RBFOX1: variants seen among roughly 807,000 people sequenced by gnomAD.
RBFOX1 encodes the protein RNA binding fox-1 homolog 1.
In RBFOX1, 8 loss-of-function variants were observed where a neutral mutation model predicts 57.7. That is an observed-to-expected ratio of 0.14 (90% CI 0.08 to 0.25). The LOEUF is 0.25. Among genes scored for constraint, RBFOX1 ranks in the 10% least tolerant of loss-of-function variants. The probability of loss-of-function intolerance (pLI) is 1.00; values close to 1 mark genes in which losing one functional copy is unlikely to be tolerated. For synonymous variants in RBFOX1, 326 were observed against 222.4 expected (o/e 1.47, Z -4.15); for missense variants, 611 against 548.5 (o/e 1.11, Z -1.14).
intron 3 of RBFOX1, among the ~76,000 whole-genome samples, chr16:6,954,746 C>T (rs1224737852): frequency 6.6e-6 from 1 of 152,006 alleles, no homozygotes; most frequent in Non-Finnish European, 1.5e-5. Context: ...GAGAACATGC[C>T]CTCCAGAGGA....
At position 7,298,366 on chromosome 16, in the gene RBFOX1, G is replaced by A. The variant is rs970577461; in HGVS notation, c.28-219781G>A. Among the ~76,000 whole-genome samples, 7 of 134,654 alleles carry A rather than the reference G, an allele frequency of 5.2e-5. 1 individual carries two copies. In the East Asian group the frequency reaches 1.2e-3, roughly 22 times the overall value. The allele number at this position is 134,654 out of a possible 152,430, so 88.3% of individuals were successfully genotyped here. A position where few individuals can be genotyped will look rare whatever the true frequency, so the allele number is the denominator to read the frequency against. ...TGCAGTAGCATGATCTCAGCCTACC[G>A]CAGCCTCCGCCTCCTGGGTTCAAGT... On this transcript the variant is annotated intron_variant, in intron 4 of 15. Coordinates refer to ENST00000550418, the MANE Select transcript of RBFOX1 (RefSeq NM_018723.4).
At chr16:7,234,066 T>A (rs970081978) in intron 4 of RBFOX1, among the ~76,000 whole-genome samples, 1 of 152,214 alleles carries the variant, frequency 6.6e-6, no homozygotes, top group Non-Finnish European at 1.5e-5. Flanking sequence ...AGGGGTTGCA[T>A]GGAAATTATG....
chr16:5,677,766 G>A (rs2050210739), intron 3 of RBFOX1, among the ~76,000 whole-genome samples: 1 of 152,112 alleles, frequency 6.6e-6, no homozygotes, highest in African/African-American at 2.4e-5. Flanking sequence ...GAGTGTTCCA[G>A]ATGGAGGAAA....
At chr16:6,598,715 A>G (rs552906775) in intron 2 of RBFOX1, among the ~76,000 whole-genome samples, 2 of 152,288 alleles carry the variant, frequency 1.3e-5, no homozygotes, top group East Asian at 3.9e-4. Context: ...TGGGTGGCTG[A>G]GGCAGGCAGA....
chr16:6,767,740 C>G (rs1483353781), intron 3 of RBFOX1, among the ~76,000 whole-genome samples: 1 of 151,494 alleles, frequency 6.6e-6, no homozygotes, highest in Admixed American at 6.6e-5. Flanking sequence ...ATGGTGAAAC[C>G]CCATCTCTAC....
At chr16:6,059,781 T>A (rs2095660149) in intron 1 of RBFOX1, among the ~76,000 whole-genome samples, 1 of 152,156 alleles carries the variant, frequency 6.6e-6, no homozygotes, top group South Asian at 2.1e-4. Flanking sequence ...ATAATGTACA[T>A]TTCACAACTG....
chr16:7,132,828 A>C (rs1531561), intron 4 of RBFOX1, among the ~76,000 whole-genome samples: 1 of 151,894 alleles, frequency 6.6e-6, no homozygotes, highest in Admixed American at 6.6e-5. Context: ...AAAAAGATAC[A>C]TCTTTCAGTA....
At chr16:5,783,114 C>T (rs149693886) in intron 3 of RBFOX1, among the ~76,000 whole-genome samples, 13 of 152,174 alleles carry the variant, frequency 8.5e-5, no homozygotes, top group African/African-American at 3.1e-4. Flanking sequence ...GATTAACTGT[C>T]ACACCCTCTT....
intron 4 of RBFOX1, among the ~76,000 whole-genome samples, chr16:7,093,415 T>C (rs114220024): frequency 0.028 from 4,197 of 152,288 alleles, 69 homozygotes; most frequent in Middle Eastern, 0.041. Flanking sequence ...CCCAGCCCAC[T>C]TCTTCTTTGA....
chr16:6,016,660 T>G (rs988206677), upstream of RBFOX1, among the ~76,000 whole-genome samples: 2 of 152,188 alleles, frequency 1.3e-5, no homozygotes, highest in African/African-American at 4.8e-5. Context: ...GATCACAAAT[T>G]GGAAAGTATT....
chr16:7,039,101 G>T lies in RBFOX1; in HGVS notation c.-15-12956G>T, dbSNP rs1354393370. The stretch of plus-strand genomic sequence containing the variant: ...CTGCCTGGGAGATAGCACCCCATAG[G>T]TCATTCGAGTGCTAAGAATACTAAG... On this transcript the variant is annotated intron_variant, in intron 3 of 15. Transcript: ENST00000550418. Among the ~76,000 whole-genome samples, 3 of 152,256 alleles carry T rather than the reference G, an allele frequency of 2.0e-5. No individual in the cohort carries two copies. The East Asian group carries it at 5.8e-4, about 29-fold the overall frequency.
At chr16:5,748,481 G>C (rs1430552223) in intron 3 of RBFOX1, among the ~76,000 whole-genome samples, 1 of 152,156 alleles carries the variant, frequency 6.6e-6, no homozygotes, top group Non-Finnish European at 1.5e-5. Context: ...GGGTGTTAAA[G>C]TCTCCCATTA....
chr16:6,426,419 G>A (rs1279545833), intron 2 of RBFOX1, among the ~76,000 whole-genome samples: 1 of 152,120 alleles, frequency 6.6e-6, no homozygotes, highest in Non-Finnish European at 1.5e-5. Context: ...GACAAGAGGA[G>A]GGGAAAGAGA....
At chr16:7,121,534 A>C (rs1346978957) in intron 4 of RBFOX1, among the ~76,000 whole-genome samples, 1 of 152,090 alleles carries the variant, frequency 6.6e-6, no homozygotes, top group African/African-American at 2.4e-5. Context: ...CTTTATGCTG[A>C]AAACTATAAA....
intron 4 of RBFOX1, among the ~76,000 whole-genome samples, chr16:7,186,084 T>C (rs1217426601): frequency 6.6e-6 from 1 of 152,066 alleles, no homozygotes; most frequent in Non-Finnish European, 1.5e-5. Flanking sequence ...GGATATTCTT[T>C]ATTTGTCACT....
chr16:6,914,277 C>A (rs2072506960), intron 3 of RBFOX1, among the ~76,000 whole-genome samples: 2 of 152,102 alleles, frequency 1.3e-5, no homozygotes, highest in Admixed American at 6.5e-5. Context: ...AGAAAATAAT[C>A]ATTATAATTA....
At chr16:6,650,959 A>G (rs1425775937) in intron 2 of RBFOX1, among the ~76,000 whole-genome samples, 4 of 152,128 alleles carry the variant, frequency 2.6e-5, no homozygotes, top group African/African-American at 4.8e-5. Context: ...CTGAAGTGCA[A>G]TGGCATGATC....
intron 2 of RBFOX1, among the ~76,000 whole-genome samples, chr16:5,572,361 A>G (rs573349669): frequency 6.6e-6 from 1 of 152,330 alleles, no homozygotes; most frequent in South Asian, 2.1e-4. Flanking sequence ...AACACAGCAG[A>G]CAAAAATCCC....
At chr16:6,652,560 G>C (rs895723840) in intron 2 of RBFOX1, among the ~76,000 whole-genome samples, 1 of 152,110 alleles carries the variant, frequency 6.6e-6, no homozygotes, top group Non-Finnish European at 1.5e-5. Context: ...GCCAGGAAGA[G>C]GGACCTCACC....
Sources: gnomAD v4.1 joint callset for allele counts (sites outside exome capture counted in the v4.1 genomes callset) on GRCh38, gnomAD v4.1.1 for gene constraint, MANE v1.5 for transcripts, NCBI Gene and HGNC (gene_info 2026-07-23, HGNC 2026-07-21) for gene names.